Variants in ANKRD18B observed in about 807,000 individuals in gnomAD.
ANKRD18B encodes the protein ankyrin repeat domain 18B.
ANKRD18B carries 75 observed loss-of-function variants against 111.8 expected under a neutral mutation model. The observed-to-expected ratio is 0.67, with a 90% CI of 0.56 to 0.81. The LOEUF (loss-of-function observed/expected upper bound fraction) is 0.81, where lower values mean the gene tolerates loss of function less well. Ranked by LOEUF, ANKRD18B falls within the 40% of genes least tolerant of loss-of-function variation. ANKRD18B has a pLI of 0.00. For synonymous variants in ANKRD18B, 356 were observed against 417.3 expected (o/e 0.85, Z 1.79); for missense variants, 1,038 against 1,225.5 (o/e 0.85, Z 2.28).
intron 12 of ANKRD18B, among the ~76,000 whole-genome samples, chr9:33,553,226 G>A (rs1828472624): frequency 6.6e-6 from 1 of 151,952 alleles, no homozygotes. Context: ...AAACAGCTGG[G>A]GCATGGTGGT....
intron 1 of ANKRD18B, among the ~76,000 whole-genome samples, chr9:33,527,731 CAGTT>C (rs568304152): frequency 2.6e-4 from 40 of 152,290 alleles, no homozygotes; most frequent in African/African-American, 9.4e-4. Flanking sequence ...ATTTAAGTGT[CAGTT>C]AGATGCCTAG....
intron 5 of ANKRD18B, among the ~76,000 whole-genome samples, chr9:33,535,256 A>G (rs1216207726): frequency 6.6e-6 from 1 of 151,790 alleles, no homozygotes; most frequent in East Asian, 1.9e-4. Context: ...TGACTCATAC[A>G]CAGAGTCCAC....
intron 10 of ANKRD18B, among the ~76,000 whole-genome samples, chr9:33,545,065 G>T (rs545919455): frequency 3.5e-4 from 54 of 152,210 alleles, no homozygotes; most frequent in African/African-American, 1.3e-3. Flanking sequence ...TGAACAGAAG[G>T]AGCCCATCTC....
chr9:33,572,447 CT>C lies in ANKRD18B; in HGVS notation c.*16del. 1.3e-6 allele frequency: 2 copies of C among 1,511,042 alleles called. No individual in the cohort carries two copies. Among genetic ancestry groups the C allele is most frequent in the South Asian group, 2.5e-5 (2 of 78,960 alleles). 93.6% of individuals were successfully genotyped at this position (1,511,042 alleles called of 1,614,324 possible). A position where few individuals can be genotyped will look rare whatever the true frequency, so the allele number is the denominator to read the frequency against. On this transcript the variant is annotated 3_prime_UTR_variant, in exon 19 of 19. Transcript: ENST00000684830. The stretch of plus-strand genomic sequence containing the variant: ...TTGTATGATTTAAAAGATCATAAAA[CT>C]TTATTACTGGGCTATTTACATGAAA...
intron 10 of ANKRD18B, among the ~76,000 whole-genome samples, chr9:33,544,528 T>C (rs1033214960): frequency 6.6e-6 from 1 of 152,128 alleles, no homozygotes; most frequent in African/African-American, 2.4e-5. Context: ...ATCTGTATAT[T>C]CAGGACTTCC....
At chr9:33,539,144 C>T (rs1310064628) in intron 6 of ANKRD18B, among the ~76,000 whole-genome samples, 1 of 152,116 alleles carries the variant, frequency 6.6e-6, no homozygotes, top group Non-Finnish European at 1.5e-5. Context: ...TCCAATGTTA[C>T]AAAATACATT....
intron 5 of ANKRD18B, 35 bp downstream of exon 5, chr9:33,534,542 A>C (rs1237075938): frequency 6.7e-6 from 10 of 1,482,230 alleles, no homozygotes; most frequent in Non-Finnish European, 8.0e-6. Context: ...GTTAATACTA[A>C]ATTAAGGTTT....
At chr9:33,550,197 G>A (rs879426477) in intron 11 of ANKRD18B, among the ~76,000 whole-genome samples, 2 of 152,182 alleles carry the variant, frequency 1.3e-5, no homozygotes, top group Non-Finnish European at 2.9e-5. Flanking sequence ...TAAGGTGAAT[G>A]AATAGCGGGC....
At chr9:33,551,732 A>G (rs1184294293) in intron 12 of ANKRD18B, among the ~76,000 whole-genome samples, 1 of 152,074 alleles carries the variant, frequency 6.6e-6, no homozygotes. Context: ...AGGTTATTGT[A>G]TGGACATATG....
At chr9:33,540,699 C>A (rs1828265801) in intron 8 of ANKRD18B, among the ~76,000 whole-genome samples, 1 of 151,846 alleles carries the variant, frequency 6.6e-6, no homozygotes, top group African/African-American at 2.4e-5. Flanking sequence ...TATTTTAGGC[C>A]ATGTGGTCTC....
chr9:33,575,389 A>G (rs1828847903), downstream of ANKRD18B, among the ~76,000 whole-genome samples: 1 of 152,238 alleles, frequency 6.6e-6, no homozygotes, highest in African/African-American at 2.4e-5. Context: ...GCAGCCCCAG[A>G]TGGCACCTGG....
intron 1 of ANKRD18B, 82 bp downstream of exon 1, chr9:33,524,777 C>A (rs7866888): frequency 0.41 from 599,570 of 1,470,830 alleles, 123,417 homozygotes; most frequent in South Asian, 0.52. Context: ...CGTCGGAGTT[C>A]GCCGGGACCC....
chr9:33,529,849 T>C (rs914703389), intron 3 of ANKRD18B, among the ~76,000 whole-genome samples: 6 of 152,164 alleles, frequency 3.9e-5, no homozygotes, highest in African/African-American at 1.4e-4. Flanking sequence ...GAATATACGG[T>C]GATGAAGTGA....
chr9:33,563,540 G>A (rs566751299), intron 14 of ANKRD18B, among the ~76,000 whole-genome samples: 1 of 150,822 alleles, frequency 6.6e-6, no homozygotes, highest in Non-Finnish European at 1.5e-5. Flanking sequence ...TCTGAGATAG[G>A]GAAGCTACAT....
intron 12 of ANKRD18B, among the ~76,000 whole-genome samples, chr9:33,552,237 A>C (rs1251299633): frequency 6.6e-6 from 1 of 152,258 alleles, no homozygotes; most frequent in Non-Finnish European, 1.5e-5. Context: ...AGAATTGTTC[A>C]ATCAAGTGCT....
intron 13 of ANKRD18B, among the ~76,000 whole-genome samples, chr9:33,556,708 A>G (rs1828532604): frequency 1.3e-5 from 2 of 152,166 alleles, no homozygotes; most frequent in South Asian, 4.1e-4. Flanking sequence ...TCACTGCTGC[A>G]TTCAAATTTT....
At chr9:33,563,179 C>A (rs1326495340) in intron 14 of ANKRD18B, among the ~76,000 whole-genome samples, 3 of 152,168 alleles carry the variant, frequency 2.0e-5, no homozygotes, top group African/African-American at 7.2e-5. Flanking sequence ...AAAGGAGACT[C>A]TTTTCTGCTA....
In ANKRD18B at chr9:33,524,570, G is replaced by A. The variant is rs927986111; in HGVS notation, c.81G>A (p.Gly27=). Residue 27 remains glycine, a synonymous_variant, in exon 1 of 19, where the codon GGG becomes GGA. Coordinates refer to ENST00000684830, the MANE Select transcript of ANKRD18B (RefSeq NM_001393611.1). The part of the protein sequence containing the change: ...SSMDQEYAGR[G]YHIRDWELRK... ...TGGACCAAGAGTATGCGGGTCGGGG[G>A]TACCACATTCGGGACTGGGAACTGC... is the stretch of plus-strand genomic sequence containing the variant. The A allele has an allele frequency of 5.2e-6, 8 of 1,551,404 alleles. No homozygotes were observed. The East Asian group carries it at 9.8e-5, about 19-fold the overall frequency.
rs760501299 is a variant in ANKRD18B, at chr9:33,566,765, G to GA, written c.2742+269dup. Among the ~76,000 whole-genome samples the GA allele has an allele frequency of 5.3e-5, 8 of 152,260 alleles. No homozygotes were observed. In the East Asian group the frequency reaches 1.5e-3, roughly 29 times the overall value. ...ATGATTAAGACCAGTTGGCATAAGAGAAAACTGTGATTTAGAAATTATATG... is the reference window on the plus strand; with the variant it reads ...ATGATTAAGACCAGTTGGCATAAGAGAAAAACTGTGATTTAGAAATTATATG... On this transcript the variant is annotated intron_variant, in intron 15 of 18. Transcript: ENST00000684830.
Sources: gnomAD v4.1 joint callset for allele counts (sites outside exome capture counted in the v4.1 genomes callset) on GRCh38, gnomAD v4.1.1 for gene constraint, MANE v1.5 for transcripts, NCBI Gene and HGNC (gene_info 2026-07-23, HGNC 2026-07-21) for gene names.